Variants in TBC1D1 observed in about 807,000 individuals in gnomAD.
TBC1D1 encodes the protein TBC1 (tre-2/USP6, BUB2, cdc16) domain family, member 1.
A neutral mutation model predicts 125.6 loss-of-function variants in TBC1D1; 89 were observed. The observed-to-expected ratio is 0.71, with a 90% CI of 0.60 to 0.85. The LOEUF (loss-of-function observed/expected upper bound fraction) is 0.85. Among genes scored for constraint, TBC1D1 ranks in the 40% least tolerant of loss-of-function variants. TBC1D1 has a pLI of 0.00. For synonymous variants in TBC1D1, 565 were observed against 564.1 expected (o/e 1.00, Z -0.02); for missense variants, 1,377 against 1,469.2 (o/e 0.94, Z 1.03).
At chr4:37,929,467 C>A (rs1722808446) in intron 2 of TBC1D1, among the ~76,000 whole-genome samples, 1 of 152,138 alleles carries the variant, frequency 6.6e-6, no homozygotes, top group Non-Finnish European at 1.5e-5. Flanking sequence ...TTAACCCCAC[C>A]CTCGGACCCC....
At chr4:38,116,012 C>A in intron 16 of TBC1D1, 58 bp downstream of exon 18, 1 of 1,579,176 alleles carries the variant, frequency 6.3e-7, no homozygotes, top group Non-Finnish European at 8.6e-7. Context: ...TTTCTTATCC[C>A]TCTCCAGATG....
intron 2 of TBC1D1, among the ~76,000 whole-genome samples, chr4:37,921,955 A>T (rs537187131): frequency 1.3e-5 from 2 of 152,024 alleles, no homozygotes; most frequent in African/African-American, 4.8e-5. Flanking sequence ...TAGGCTGCTT[A>T]TGAACTCCTG....
At chr4:38,105,023 G>A (rs1182352589) in intron 15 of TBC1D1, among the ~76,000 whole-genome samples, 1 of 152,094 alleles carries the variant, frequency 6.6e-6, no homozygotes, top group Non-Finnish European at 1.5e-5. Flanking sequence ...TCAAAGTGCT[G>A]GGATTACAGG....
In TBC1D1 at chr4:37,977,113, G is replaced by C. The variant is rs368206127; in HGVS notation, c.418-37396G>C. Among the ~76,000 whole-genome samples the C allele has an allele frequency of 3.3e-5, 5 of 152,128 alleles. No individual in the cohort carries two copies. Among genetic ancestry groups the C allele is most frequent in the African/African-American group, 1.2e-4 (5 of 41,446 alleles). On this transcript the variant is annotated intron_variant, in intron 2 of 19. Transcript: ENST00000261439. The surrounding 1 kb of genome is among the most constrained non-coding windows in gnomAD (Gnocchi z 4.3). ...GGACCCCAGAGGCCTGGAAAGGCGC[G>C]TCCCCAGCCTCCAGGGTTTCCTGCG... is the stretch of plus-strand genomic sequence containing the variant.
intron 15 of TBC1D1, 37 bp downstream of exon 17, chr4:38,103,194 G>A (rs1196158705): frequency 1.8e-5 from 28 of 1,575,340 alleles, no homozygotes; most frequent in Non-Finnish European, 2.4e-5. Flanking sequence ...GACAATGGAA[G>A]TTTCACTCAC....
intron 10 of TBC1D1, among the ~76,000 whole-genome samples, chr4:38,049,231 G>A (rs1051592366): frequency 5.3e-5 from 8 of 152,166 alleles, no homozygotes; most frequent in African/African-American, 1.7e-4. Flanking sequence ...GAACACATGT[G>A]GCAAAGATAA....
intron 2 of TBC1D1, among the ~76,000 whole-genome samples, chr4:37,957,621 T>G (rs1729183333): frequency 6.6e-6 from 1 of 152,038 alleles, no homozygotes; most frequent in Non-Finnish European, 1.5e-5. Flanking sequence ...ATAATAAAAA[T>G]AAAAACAAAT....
chr4:38,005,393 T>G (rs1450614893), intron 2 of TBC1D1, among the ~76,000 whole-genome samples: 1 of 152,170 alleles, frequency 6.6e-6, no homozygotes, highest in Non-Finnish European at 1.5e-5. Context: ...ATCTTGGGTA[T>G]TGTACATTAT....
Position 37,961,276 on chromosome 4 carries a change from G to A in TBC1D1, c.418-53233G>A, listed in dbSNP as rs192179820. Among the ~76,000 whole-genome samples the A allele has an allele frequency of 1.1e-4, 16 of 152,286 alleles. 1 individual carries two copies. Among genetic ancestry groups the A allele is most frequent in the African/African-American group, 3.6e-4 (15 of 41,542 alleles). ...GAGACAGGAAATAGCAAAGGATAAA[G>A]GAGAAAAGGCCAGGGCCAGGCCAAG... On this transcript the variant is annotated intron_variant, in intron 2 of 19. Transcript: ENST00000261439.
chr4:37,892,826 A>C (rs533692365), intron 1 of TBC1D1, among the ~76,000 whole-genome samples: 2 of 151,090 alleles, frequency 1.3e-5, no homozygotes, highest in East Asian at 4.2e-4. Flanking sequence ...TATTAGGAGG[A>C]AACGTGCAAC....
intron 10 of TBC1D1, among the ~76,000 whole-genome samples, chr4:38,049,089 CAGTA>C (rs1483980878): frequency 6.6e-6 from 1 of 152,208 alleles, no homozygotes. Context: ...TGAATTGCAG[CAGTA>C]AGTGCCTACA....
chr4:38,121,359 A>C (rs1397231423), intron 17 of TBC1D1, among the ~76,000 whole-genome samples: 1 of 152,226 alleles, frequency 6.6e-6, no homozygotes, highest in Non-Finnish European at 1.5e-5. Flanking sequence ...GTTCCAATAC[A>C]CAGTAACGCA....
rs571832881 is a variant in TBC1D1 at position 37,976,933 on chromosome 4, T to C, written c.418-37576T>C. On this transcript the variant is annotated intron_variant, in intron 2 of 19. Transcript: ENST00000261439. ...TAGGGGCTGGGGAACACTGGTCTTT[T>C]GTTACTAGCAATCTAAAGCGCTTAG... Among the ~76,000 whole-genome samples, 83 of 152,306 alleles carry C rather than the reference T, an allele frequency of 5.4e-4. 1 individual carries two copies. In the South Asian group the frequency reaches 0.017, roughly 32 times the overall value.
intron 11 of TBC1D1, 120 bp from the exon 14 acceptor site, chr4:38,054,079 G>A (rs2152486265): frequency 9.1e-7 from 1 of 1,093,912 alleles, no homozygotes; most frequent in Non-Finnish European, 1.3e-6. Flanking sequence ...TTCTGTGATT[G>A]ATTATTTGTT....
At chr4:38,120,231 G>A in intron 17 of TBC1D1, 1 of 608,448 alleles carries the variant, frequency 1.6e-6, no homozygotes, top group South Asian at 7.2e-5. Flanking sequence ...TGTGCTAAGT[G>A]GGTCGTTGTC....
chr4:37,939,804 G>C (rs1438756780), intron 2 of TBC1D1, among the ~76,000 whole-genome samples: 22 of 152,100 alleles, frequency 1.4e-4, no homozygotes, highest in Admixed American at 1.3e-3. Context: ...GCTTGTTTTT[G>C]TCAGGTTTGT....
At chr4:37,913,559 A>G (rs1050544318) in intron 2 of TBC1D1, among the ~76,000 whole-genome samples, 34 of 152,020 alleles carry the variant, frequency 2.2e-4, no homozygotes, top group African/African-American at 8.0e-4. Flanking sequence ...AGATCACACC[A>G]TTGCACTCCA....
At chr4:37,930,770 A>G (rs948606343) in intron 2 of TBC1D1, among the ~76,000 whole-genome samples, 5 of 152,242 alleles carry the variant, frequency 3.3e-5, no homozygotes, top group African/African-American at 9.6e-5. Flanking sequence ...TTTTGCATGA[A>G]ATAAATACTA....
intron 2 of TBC1D1, among the ~76,000 whole-genome samples, chr4:37,986,791 C>T (rs1735560132): frequency 6.9e-6 from 1 of 145,770 alleles, no homozygotes; most frequent in African/African-American, 2.5e-5. Flanking sequence ...GTCAAGATGC[C>T]TGCAGGGAAA....
Sources: allele counts gnomAD v4.1 joint callset (sites outside exome capture counted in the v4.1 genomes callset), GRCh38; gene constraint gnomAD v4.1.1; non-coding constraint Gnocchi (gnomAD v3.1); transcripts MANE v1.5; gene names NCBI Gene and HGNC (gene_info 2026-07-23, HGNC 2026-07-21).